The following SYNDIG1 variants were observed in gnomAD, a reference collection of about 807,000 sequenced individuals.
SYNDIG1 encodes the protein synapse differentiation inducing 1, also known as synapse differentiation-inducing gene protein 1.
In SYNDIG1, 9 loss-of-function variants were observed where a neutral mutation model predicts 19.4. The ratio of observed to expected loss-of-function variants is 0.46; its 90% CI spans 0.28 to 0.81. SYNDIG1 has a LOEUF of 0.81. SYNDIG1 is among the 30% of genes least tolerant of loss of function. SYNDIG1 has a pLI of 0.12. For missense variants in SYNDIG1, 311 were observed against 343.3 expected (o/e 0.91, Z 0.74); for synonymous variants, 141 against 145.9 (o/e 0.97, Z 0.24).
At chr20:24,571,908 C>A (rs1423703194) in intron 2 of SYNDIG1, among the ~76,000 whole-genome samples, 6 of 152,154 alleles carry the variant, frequency 3.9e-5, no homozygotes, top group African/African-American at 7.2e-5. Flanking sequence ...AAGAGAGGAC[C>A]TTCAGGCCTT....
In SYNDIG1 at chr20:24,509,555, G is replaced by A. The variant is rs894519560; in HGVS notation, c.-78-33465G>A. Among the ~76,000 whole-genome samples the A allele has an allele frequency of 1.4e-4, 22 of 152,204 alleles. 1 individual carries two copies. Among genetic ancestry groups the A allele is most frequent in the Middle Eastern group, 3.4e-3 (1 of 294 alleles). The stretch of plus-strand genomic sequence containing the variant: ...AGTCAATGCTCATTAAATATCACTC[G>A]TGTTCTTTACTTACTTTCCACCTTG... On this transcript the variant is annotated intron_variant, in intron 1 of 3. Transcript: ENST00000376862.
At chr20:24,531,027 C>T (rs1446206433) in intron 1 of SYNDIG1, among the ~76,000 whole-genome samples, 1 of 152,038 alleles carries the variant, frequency 6.6e-6, no homozygotes, top group African/African-American at 2.4e-5. Flanking sequence ...CCAGGCTGGT[C>T]TTGAACTCCT....
chr20:24,650,845 T>TTC (rs1555817061), intron 3 of SYNDIG1, among the ~76,000 whole-genome samples: 1 of 152,128 alleles, frequency 6.6e-6, no homozygotes, highest in Non-Finnish European at 1.5e-5. Flanking sequence ...TTCTTTCTTT[T>TTC]TTTTTTTTGA....
chr20:24,543,253 G>A lies in SYNDIG1; in HGVS notation c.156G>A (p.Arg52=), dbSNP rs2057503587. 6.2e-7 allele frequency: 1 copy of A among 1,613,616 alleles called. No individual in the cohort carries two copies. The highest frequency in any genetic ancestry group is 1.3e-5 in the African/African-American group (1 of 74,902). Residue 52 remains arginine, a synonymous_variant, in exon 2 of 4, where the codon CGG becomes CGA. Coordinates refer to ENST00000376862, the MANE Select transcript of SYNDIG1 (RefSeq NM_024893.3). ...CAGCGCCCCAGTACCAGAGCCACCG[G>A]GTGGGGGCCAGCACAGTGCCGGCCA... ...VYPAPQYQSH[R]VGASTVPASL...
intron 3 of SYNDIG1, among the ~76,000 whole-genome samples, chr20:24,614,878 T>C (rs1192897107): frequency 6.6e-6 from 1 of 152,198 alleles, no homozygotes; most frequent in Non-Finnish European, 1.5e-5. Context: ...GAACAGAACT[T>C]AACAATACCT....
At chr20:24,514,905 C>T (rs542294432) in intron 1 of SYNDIG1, among the ~76,000 whole-genome samples, 1 of 152,182 alleles carries the variant, frequency 6.6e-6, no homozygotes, top group Non-Finnish European at 1.5e-5. Context: ...TGTAAAAGAA[C>T]AGAAATTATA....
intron 3 of SYNDIG1, among the ~76,000 whole-genome samples, chr20:24,623,517 C>G (rs904353927): frequency 6.6e-6 from 1 of 152,112 alleles, no homozygotes; most frequent in Non-Finnish European, 1.5e-5. Flanking sequence ...GTTTTTCTTA[C>G]TCATAATTTA....
chr20:24,484,011 C>T (rs1210051494), intron 1 of SYNDIG1, among the ~76,000 whole-genome samples: 5 of 152,102 alleles, frequency 3.3e-5, no homozygotes, highest in Non-Finnish European at 5.9e-5. Context: ...GAGGCCTCCG[C>T]GCACCTAGGA....
chr20:24,578,459 A>G (rs781395146), intron 2 of SYNDIG1, among the ~76,000 whole-genome samples: 3 of 151,346 alleles, frequency 2.0e-5, no homozygotes, highest in Non-Finnish European at 4.4e-5. Context: ...AAAAAAAGAA[A>G]GAAAGAAAAA....
chr20:24,589,779 G>C (rs2058477176), intron 3 of SYNDIG1, among the ~76,000 whole-genome samples: 1 of 152,252 alleles, frequency 6.6e-6, no homozygotes, highest in South Asian at 2.1e-4. Flanking sequence ...TTAGGAAGCA[G>C]ATTATGAATT....
chr20:24,489,739 G>C (rs560539683), intron 1 of SYNDIG1, among the ~76,000 whole-genome samples: 1 of 152,244 alleles, frequency 6.6e-6, no homozygotes, highest in African/African-American at 2.4e-5. Context: ...ATGTCACTGC[G>C]GCATGGAGGG....
At chr20:24,633,050 T>C (rs1030954536) in intron 3 of SYNDIG1, among the ~76,000 whole-genome samples, 2 of 151,996 alleles carry the variant, frequency 1.3e-5, no homozygotes, top group Non-Finnish European at 2.9e-5. Context: ...TGTGCTCTGT[T>C]CTAGACCTCC....
intron 3 of SYNDIG1, among the ~76,000 whole-genome samples, chr20:24,657,403 G>A (rs2059537679): frequency 6.6e-6 from 1 of 152,160 alleles, no homozygotes; most frequent in Non-Finnish European, 1.5e-5. Context: ...TGGATGTAGT[G>A]ATTCAGACCA....
At chr20:24,491,847 A>T (rs1405888072) in intron 1 of SYNDIG1, 2 of 152,236 alleles carry the variant, frequency 1.3e-5, no homozygotes, top group Non-Finnish European at 2.9e-5. Flanking sequence ...TGGGAAGAAA[A>T]CAAAATGGAA....
chr20:24,480,296 T>C (rs1309428895), intron 1 of SYNDIG1, among the ~76,000 whole-genome samples: 1 of 152,198 alleles, frequency 6.6e-6, no homozygotes, highest in Non-Finnish European at 1.5e-5. Flanking sequence ...AATGCCAATA[T>C]TATATTGCCT....
Position 24,547,824 on chromosome 20 carries a change from TG to T in SYNDIG1, c.480+4248del, listed in dbSNP as rs561018983. ...AAGTAGGTCTACAAAATATACAATTTGAGTTTACAGCCATGAAATGAAGTGG... is the reference window on the plus strand; with the variant it reads ...AAGTAGGTCTACAAAATATACAATTTAGTTTACAGCCATGAAATGAAGTGG... On this transcript the variant is annotated intron_variant, in intron 2 of 3. Coordinates refer to ENST00000376862, the MANE Select transcript of SYNDIG1 (RefSeq NM_024893.3). Among the ~76,000 whole-genome samples the T allele has an allele frequency of 2.4e-3, 362 of 152,238 alleles. 1 individual carries two copies. Among genetic ancestry groups the T allele is most frequent in the African/African-American group, 8.1e-3 (336 of 41,536 alleles).
At chr20:24,515,711 A>G (rs1191605221) in intron 1 of SYNDIG1, among the ~76,000 whole-genome samples, 1 of 152,212 alleles carries the variant, frequency 6.6e-6, no homozygotes, top group Non-Finnish European at 1.5e-5. Flanking sequence ...ATGGAAGAAC[A>G]TTCCATGCTC....
chr20:24,489,263 T>C (rs1309207583), intron 1 of SYNDIG1, among the ~76,000 whole-genome samples: 1 of 151,430 alleles, frequency 6.6e-6, no homozygotes, highest in Non-Finnish European at 1.5e-5. Flanking sequence ...CACACATGCA[T>C]GCACACACGT....
rs538201752 is a variant in SYNDIG1 at position 24,658,303 on chromosome 20, C to T, written c.619-7043C>T. On this transcript the variant is annotated intron_variant, in intron 3 of 3. Coordinates refer to ENST00000376862, the MANE Select transcript of SYNDIG1 (RefSeq NM_024893.3). The surrounding 1 kb of genome is among the most constrained non-coding windows in gnomAD (Gnocchi z 4.4). The stretch of plus-strand genomic sequence containing the variant: ...CACTTCAGACATCTCCAGGGTGTCT[C>T]GGGGAAAGGCAGGTAGTGACGCGGC... 6.6e-6 allele frequency among the ~76,000 whole-genome samples: 1 copy of T among 152,166 alleles called. No individual in the cohort carries two copies. Among genetic ancestry groups the T allele is most frequent in the East Asian group, 1.9e-4 (1 of 5,158 alleles).
Sources: gnomAD v4.1 joint callset for allele counts (sites outside exome capture counted in the v4.1 genomes callset) on GRCh38, gnomAD v4.1.1 for gene constraint, Gnocchi (gnomAD v3.1) non-coding constraint, MANE v1.5 for transcripts, NCBI Gene and HGNC (gene_info 2026-07-23, HGNC 2026-07-21) for gene names.